The following NRG1 variants were observed in gnomAD, a reference collection of about 807,000 sequenced individuals.
The protein encoded by NRG1 is pro-neuregulin-1, membrane-bound isoform.
A neutral mutation model predicts 63.8 loss-of-function variants in NRG1; 18 were observed. The ratio of observed to expected loss-of-function variants is 0.28; its 90% CI spans 0.19 to 0.42. The LOEUF is 0.42. NRG1 is among the 10% of genes least tolerant of loss of function. The pLI is 1.00. For synonymous variants in NRG1, 302 were observed against 301.3 expected (o/e 1.00, Z -0.02); for missense variants, 762 against 814.7 (o/e 0.94, Z 0.79).
intron 11 of NRG1, among the ~76,000 whole-genome samples, chr8:32,762,790 G>A (rs781728382): frequency 4.6e-5 from 7 of 152,184 alleles, no homozygotes; most frequent in Non-Finnish European, 1.0e-4. Flanking sequence ...AATAAGCCAC[G>A]TCTTCCTCAG....
intron 1 of NRG1, among the ~76,000 whole-genome samples, chr8:32,505,310 T>A (rs1828386476): frequency 6.6e-6 from 1 of 152,200 alleles, no homozygotes; most frequent in Admixed American, 6.5e-5. Context: ...CATGATACAC[T>A]TGTTTCCTTC....
intron 1 of NRG1, among the ~76,000 whole-genome samples, chr8:31,913,668 T>C (rs1018220700): frequency 2.0e-5 from 3 of 152,114 alleles, no homozygotes; most frequent in African/African-American, 4.8e-5. Flanking sequence ...GACAGGAATA[T>C]ATTCAAGTCA....
At chr8:32,190,596 G>A (rs1046630735) in intron 1 of NRG1, among the ~76,000 whole-genome samples, 1 of 152,148 alleles carries the variant, frequency 6.6e-6, no homozygotes. Flanking sequence ...GACCAAAACA[G>A]CTATCGGGAT....
intron 1 of NRG1, among the ~76,000 whole-genome samples, chr8:31,684,857 TA>T (rs549425102): frequency 2.0e-4 from 30 of 147,244 alleles, no homozygotes; most frequent in East Asian, 3.9e-4. Context: ...ATGGCTAAGT[TA>T]AAAAAAAAAG....
chr8:31,734,884 C>T (rs941134047), intron 1 of NRG1, among the ~76,000 whole-genome samples: 3 of 152,042 alleles, frequency 2.0e-5, no homozygotes, highest in African/African-American at 7.2e-5. Flanking sequence ...TATTACCCTC[C>T]CTCTTTCCTG....
chr8:31,683,741 G>T (rs570756756), intron 1 of NRG1, among the ~76,000 whole-genome samples: 3 of 151,992 alleles, frequency 2.0e-5, no homozygotes, highest in Admixed American at 6.6e-5. Flanking sequence ...TGCAACAAAG[G>T]TACCACTGTG....
At chr8:31,662,757 T>G (rs79342615) in intron 1 of NRG1, among the ~76,000 whole-genome samples, 5,149 of 152,286 alleles carry the variant, frequency 0.034, 244 homozygotes, top group South Asian at 0.12. Context: ...TTGGATGGAA[T>G]GAATTTATGA....
At chr8:31,952,505 A>T (rs187887859) in intron 1 of NRG1, among the ~76,000 whole-genome samples, 1 of 152,374 alleles carries the variant, frequency 6.6e-6, no homozygotes, top group East Asian at 1.9e-4. Context: ...TAGGAAAAGT[A>T]CCACCTGCCT....
At chr8:32,555,226 AGTGCACATG>A (rs1834899688) in intron 1 of NRG1, among the ~76,000 whole-genome samples, 1 of 152,136 alleles carries the variant, frequency 6.6e-6, no homozygotes, top group Non-Finnish European at 1.5e-5. Context: ...CTCCCACTGA[AGTGCACATG>A]GTACCCACAA....
At chr8:32,644,859 A>G (rs576173574) in intron 5 of NRG1, among the ~76,000 whole-genome samples, 2 of 151,562 alleles carry the variant, frequency 1.3e-5, no homozygotes, top group Admixed American at 1.3e-4. Context: ...AAGGTGAATA[A>G]TTGCTCTTGG....
At chr8:32,097,403 C>A (rs910942156) in intron 1 of NRG1, among the ~76,000 whole-genome samples, 1 of 152,112 alleles carries the variant, frequency 6.6e-6, no homozygotes, top group Non-Finnish European at 1.5e-5. Flanking sequence ...ATTTTTAGTT[C>A]TTTGAGGAGT....
intron 1 of NRG1, among the ~76,000 whole-genome samples, chr8:31,656,015 G>A (rs1311392481): frequency 6.6e-6 from 1 of 152,226 alleles, no homozygotes; most frequent in Non-Finnish European, 1.5e-5. Context: ...AAGGAAGCAT[G>A]TGCTTGTTTG....
At chr8:31,712,296 C>T (rs1179526762) in intron 1 of NRG1, among the ~76,000 whole-genome samples, 1 of 122,844 alleles carries the variant, frequency 8.1e-6, no homozygotes, top group East Asian at 2.0e-4. Flanking sequence ...GATGGAGTCT[C>T]ACTCTGACAC....
chr8:32,267,734 C>T (rs1851129219), intron 1 of NRG1, among the ~76,000 whole-genome samples: 1 of 152,122 alleles, frequency 6.6e-6, no homozygotes, highest in African/African-American at 2.4e-5. Flanking sequence ...ATCTCAGTTT[C>T]AGGAATTTGT....
chr8:32,184,885 C>T (rs1287098934), intron 1 of NRG1, among the ~76,000 whole-genome samples: 2 of 152,024 alleles, frequency 1.3e-5, no homozygotes, highest in African/African-American at 4.8e-5. Context: ...AGGATACTTC[C>T]TTGGGAAGTC....
rs548377572 is a variant in NRG1 at position 31,852,557 on chromosome 8, G to T, written c.37+213126G>T. Among the ~76,000 whole-genome samples the T allele has an allele frequency of 2.1e-3, 323 of 151,604 alleles. 1 individual carries two copies. The highest frequency in any genetic ancestry group is 3.4e-3 in the Middle Eastern group (1 of 294). On this transcript the variant is annotated intron_variant, in intron 1 of 10. Transcript: ENST00000519301. ...GCAAAAATTTTCTCCCATTTTGTAG[G>T]TTGCCTGTTCACTCTGATGGTAGTT...
intron 1 of NRG1, among the ~76,000 whole-genome samples, chr8:31,814,496 G>A (rs996030631): frequency 2.0e-5 from 3 of 152,084 alleles, no homozygotes; most frequent in African/African-American, 7.2e-5. Context: ...GCAAGGTCTG[G>A]CACATAGGAT....
At chr8:32,460,204 C>A (rs1283012588) in intron 1 of NRG1, among the ~76,000 whole-genome samples, 1 of 152,332 alleles carries the variant, frequency 6.6e-6, no homozygotes, top group East Asian at 1.9e-4. Flanking sequence ...TTAGAAGACA[C>A]CATCTAAAGT....
chr8:32,773,798 C>T (rs1402424929), intron 7 of NRG1, among the ~76,000 whole-genome samples: 2 of 152,166 alleles, frequency 1.3e-5, no homozygotes, highest in African/African-American at 4.8e-5. Context: ...GGCTCCCCAC[C>T]TGACATAGGA....
Sources: allele counts gnomAD v4.1 joint callset (sites outside exome capture counted in the v4.1 genomes callset), GRCh38; gene constraint gnomAD v4.1.1; transcripts MANE v1.5; gene names NCBI Gene and HGNC (gene_info 2026-07-23, HGNC 2026-07-21).